NEDD4L: variants seen among roughly 807,000 people sequenced by gnomAD.
NEDD4L encodes E3 ubiquitin-protein ligase NEDD4-like.
NEDD4L carries 54 observed loss-of-function variants against 148.9 expected under a neutral mutation model. The observed-to-expected ratio is 0.36, with a 90% CI of 0.29 to 0.45. The LOEUF (loss-of-function observed/expected upper bound fraction) is 0.45, where lower values mean the gene tolerates loss of function less well. Among genes scored for constraint, NEDD4L ranks in the 20% least tolerant of loss-of-function variants. NEDD4L has a pLI of 1.00. For synonymous variants in NEDD4L, 433 were observed against 440.7 expected (o/e 0.98, Z 0.22); for missense variants, 856 against 1,233.8 (o/e 0.69, Z 4.59).
intron 23 of NEDD4L, among the ~76,000 whole-genome samples, chr18:58,372,945 T>A (rs1313701604): frequency 6.6e-6 from 1 of 152,154 alleles, no homozygotes; most frequent in Non-Finnish European, 1.5e-5. Flanking sequence ...CCTTCCACTG[T>A]GCATCACTAA....
At chr18:58,304,749 T>C (rs1437538503) in intron 5 of NEDD4L, among the ~76,000 whole-genome samples, 4 of 152,192 alleles carry the variant, frequency 2.6e-5, no homozygotes, top group Non-Finnish European at 5.9e-5. Flanking sequence ...TAGCTCCCCA[T>C]CACTGATGAT....
chr18:58,092,571 G>A (rs2084138735), intron 1 of NEDD4L, among the ~76,000 whole-genome samples: 1 of 152,008 alleles, frequency 6.6e-6, no homozygotes, highest in African/African-American at 2.4e-5. Flanking sequence ...TTGATAAACT[G>A]CTTAGAGTGA....
chr18:58,078,013 GTA>G (rs869221284), intron 1 of NEDD4L, among the ~76,000 whole-genome samples: 7 of 62,388 alleles, frequency 1.1e-4, no homozygotes, highest in South Asian at 2.6e-3. Flanking sequence ...GCTGAGAAAC[GTA>G]TTTTTTTTTT....
At chr18:58,260,216 A>G (rs541867890) in intron 5 of NEDD4L, among the ~76,000 whole-genome samples, 19 of 152,336 alleles carry the variant, frequency 1.2e-4, no homozygotes, top group African/African-American at 4.6e-4. Flanking sequence ...GAAGAAAAAC[A>G]AGTAGCATTC....
chr18:58,078,555 G>A (rs948182712), intron 1 of NEDD4L, among the ~76,000 whole-genome samples: 1 of 152,150 alleles, frequency 6.6e-6, no homozygotes, highest in African/African-American at 2.4e-5. Context: ...TTTCCTGAAG[G>A]TCTCACTTGA....
chr18:58,334,076 C>T (rs2041391129), intron 12 of NEDD4L, 184 bp downstream of exon 12: 2 of 487,722 alleles, frequency 4.1e-6, no homozygotes, highest in African/African-American at 3.9e-5. Context: ...GTTACTGCCA[C>T]CCATCTCTAA....
At chr18:58,110,822 A>T (rs906670527) in intron 1 of NEDD4L, among the ~76,000 whole-genome samples, 8 of 152,202 alleles carry the variant, frequency 5.3e-5, no homozygotes, top group African/African-American at 1.9e-4. Flanking sequence ...ATGCCTGTGC[A>T]TGTGTATGCC....
intron 24 of NEDD4L, among the ~76,000 whole-genome samples, chr18:58,377,148 A>G (rs1163673237): frequency 2.6e-5 from 4 of 152,200 alleles, no homozygotes; most frequent in African/African-American, 9.6e-5. Context: ...TACTTCCCAC[A>G]AGCACTTTGC....
intron 1 of NEDD4L, among the ~76,000 whole-genome samples, chr18:58,119,830 C>T (rs1028775265): frequency 1.1e-4 from 17 of 152,320 alleles, no homozygotes; most frequent in Middle Eastern, 3.4e-3. Flanking sequence ...CTTCATTGGT[C>T]GGGGGCTGGC....
At position 58,368,791 on chromosome 18, in the gene NEDD4L, T is replaced by C. The variant is rs116756292; in HGVS notation, c.2185+924T>C. On this transcript the variant is annotated intron_variant, in intron 22 of 30. Coordinates refer to ENST00000400345, the MANE Select transcript of NEDD4L (RefSeq NM_001144967.3). The stretch of plus-strand genomic sequence containing the variant: ...GCAGGGCGACAGTAAACACTTTTTT[T>C]CCTCTAGAAGGAAACTAAACCACAC... 5.7e-3 allele frequency among the ~76,000 whole-genome samples: 862 copies of C among 151,844 alleles called. 13 individuals carry two copies. The highest frequency in any genetic ancestry group is 0.02 in the African/African-American group (808 of 41,396).
chr18:58,370,359 A>G (rs772732774), intron 22 of NEDD4L, 38 bp from the exon 23 acceptor site: 4 of 1,290,374 alleles, frequency 3.1e-6, no homozygotes, highest in Non-Finnish European at 4.5e-6. Flanking sequence ...AGCAGTGTCA[A>G]AGACCTGAAA....
chr18:58,110,907 A>G (rs2085378640), intron 1 of NEDD4L, among the ~76,000 whole-genome samples: 2 of 152,170 alleles, frequency 1.3e-5, no homozygotes. Flanking sequence ...TGTCCAAGGT[A>G]TTTTTCAATG....
intron 19 of NEDD4L, among the ~76,000 whole-genome samples, chr18:58,360,827 A>G (rs1013318148): frequency 8.6e-5 from 13 of 150,614 alleles, no homozygotes; most frequent in South Asian, 4.2e-4. Context: ...TTTTTTTCCT[A>G]TGAGGCTTTT....
chr18:58,087,444 C>A (rs2083814387), intron 1 of NEDD4L, among the ~76,000 whole-genome samples: 1 of 152,172 alleles, frequency 6.6e-6, no homozygotes, highest in Non-Finnish European at 1.5e-5. Flanking sequence ...TGCCACGTTC[C>A]AAAGTCACTC....
At chr18:58,080,853 G>T (rs996880357) in intron 1 of NEDD4L, among the ~76,000 whole-genome samples, 2 of 152,138 alleles carry the variant, frequency 1.3e-5, no homozygotes, top group Non-Finnish European at 2.9e-5. Flanking sequence ...GGAAGTGAGG[G>T]CAACAGTTCC....
chr18:58,069,349 T>C (rs1243214990), intron 1 of NEDD4L, among the ~76,000 whole-genome samples: 1 of 152,140 alleles, frequency 6.6e-6, no homozygotes, highest in Admixed American at 6.5e-5. Flanking sequence ...AGAACTGAAA[T>C]TGAGGTTATC....
intron 5 of NEDD4L, 57 bp from the exon 6 acceptor site, chr18:58,315,925 A>C (rs1398665004): frequency 1.4e-5 from 20 of 1,404,106 alleles, no homozygotes; most frequent in Non-Finnish European, 2.0e-5. Context: ...ATTTTTAGGA[A>C]ATGCTGACGC....
chr18:58,148,086 C>T (rs1369659789), intron 1 of NEDD4L, among the ~76,000 whole-genome samples: 5 of 151,240 alleles, frequency 3.3e-5, no homozygotes, highest in Non-Finnish European at 5.9e-5. Context: ...CTTTCCAATT[C>T]TACTAGTCCT....
At chr18:58,357,279 C>G in intron 19 of NEDD4L, 27 bp downstream of exon 19, 1 of 1,596,410 alleles carries the variant, frequency 6.3e-7, no homozygotes, top group Middle Eastern at 1.7e-4. Context: ...TCTGCCTCTT[C>G]AGTATAAGAT....
Sources: allele counts gnomAD v4.1 joint callset (sites outside exome capture counted in the v4.1 genomes callset), GRCh38; gene constraint gnomAD v4.1.1; transcripts MANE v1.5; gene names NCBI Gene and HGNC (gene_info 2026-07-23, HGNC 2026-07-21).